The following METTL4 variants were observed in gnomAD, a reference collection of about 807,000 sequenced individuals.
METTL4 encodes the protein methyltransferase 4, N6-adenosine.
In METTL4, 40 loss-of-function variants were observed where a neutral mutation model predicts 54.0. The ratio of observed to expected loss-of-function variants is 0.74; its 90% CI spans 0.58 to 0.96. METTL4 has a LOEUF of 0.96. Ranked by LOEUF, METTL4 falls within the 50% of genes least tolerant of loss-of-function variation. The probability of loss-of-function intolerance (pLI) is 0.00; values close to 1 mark genes in which losing one functional copy is unlikely to be tolerated. For missense variants in METTL4, 525 were observed against 549.0 expected (o/e 0.96, Z 0.44); for synonymous variants, 169 against 183.8 (o/e 0.92, Z 0.65).
chr18:2,554,847 C>T lies in METTL4; in HGVS notation c.651G>A (p.Gln217=), dbSNP rs780432447. 1 of 1,613,808 alleles carries T rather than the reference C, an allele frequency of 6.2e-7. No homozygotes were observed. The highest frequency in any genetic ancestry group is 1.3e-5 in the African/African-American group (1 of 74,910). ...TATCCTCTTCCACCAATTGTAATGT[C>T]TGATGTTCCATTTCATTCAGAGAAG... ...HLPSLNEMEH[Q]TLQLVEEDTS... The change falls in exon 4 of 9, where the codon CAG becomes CAA. Residue 217 remains glutamine (Q), a synonymous_variant. Coordinates refer to ENST00000574538, the MANE Select transcript of METTL4 (RefSeq NM_022840.5).
intron 2 of METTL4, among the ~76,000 whole-genome samples, chr18:2,564,065 A>C (rs544304649): frequency 3.3e-5 from 5 of 152,298 alleles, no homozygotes; most frequent in African/African-American, 1.2e-4. Context: ...CAACATAAAC[A>C]AAATGGATTG....
chr18:2,566,730 CT>C (rs2143596896), intron 2 of METTL4, 90 bp downstream of exon 2: 1 of 1,069,716 alleles, frequency 9.3e-7, no homozygotes, highest in South Asian at 1.9e-5. Context: ...CTTCTTTATA[CT>C]TAACGAATCA....
intron 3 of METTL4, among the ~76,000 whole-genome samples, chr18:2,562,584 A>G (rs2072338032): frequency 1.3e-5 from 2 of 152,368 alleles, no homozygotes; most frequent in South Asian, 4.1e-4. Context: ...ATGAAATATT[A>G]TTCGCCCTTA....
chr18:2,540,962 A>G (rs2071985485), intron 8 of METTL4: 14 of 966,928 alleles, frequency 1.4e-5, no homozygotes, highest in Non-Finnish European at 1.7e-5. Context: ...AGGAAGCAGA[A>G]TATCCATGTT....
intron 5 of METTL4, among the ~76,000 whole-genome samples, chr18:2,549,441 G>A (rs1800112232): frequency 6.6e-6 from 1 of 152,084 alleles, no homozygotes; most frequent in Admixed American, 6.5e-5. Context: ...GAAAGAAGAG[G>A]ACAGAGAATA....
rs1407624539 is a variant in METTL4 at position 2,544,297 on chromosome 18, A to G, written c.1182-11T>C. 1 of 1,578,506 alleles carries G rather than the reference A, an allele frequency of 6.3e-7. No homozygotes were observed. The highest frequency in any genetic ancestry group is 1.2e-5 in the South Asian group (1 of 86,484). ...TTTACATCTGCATTCCTAATTAAACAGAACAAGAAAGTAAACTATATTTTA... is the reference window on the plus strand; with the variant it reads ...TTTACATCTGCATTCCTAATTAAACGGAACAAGAAAGTAAACTATATTTTA... On this transcript the variant is annotated splice_polypyrimidine_tract_variant and intron_variant, in intron 7 of 8. Coordinates refer to ENST00000574538, the MANE Select transcript of METTL4 (RefSeq NM_022840.5).
intron 7 of METTL4, among the ~76,000 whole-genome samples, 182 bp from the exon 8 acceptor site, chr18:2,544,468 T>A (rs1256302521): frequency 6.6e-6 from 1 of 151,934 alleles, no homozygotes; most frequent in Admixed American, 6.6e-5. Flanking sequence ...TCTATAATAA[T>A]GACAATTACA....
At chr18:2,569,371 T>C (rs1038340541) in intron 1 of METTL4, among the ~76,000 whole-genome samples, 18 of 152,328 alleles carry the variant, frequency 1.2e-4, no homozygotes, top group Admixed American at 2.6e-4. Flanking sequence ...TATATTTAAA[T>C]TGATTCCCAT....
chr18:2,547,577 G>C (rs1356874471), intron 5 of METTL4, 48 bp from the exon 6 acceptor site: 1 of 1,443,380 alleles, frequency 6.9e-7, no homozygotes, highest in Non-Finnish European at 9.4e-7. Context: ...TGCAAAAGAA[G>C]AAAACTAAGC....
At chr18:2,556,720 G>A (rs899654556) in intron 3 of METTL4, among the ~76,000 whole-genome samples, 1 of 151,926 alleles carries the variant, frequency 6.6e-6, no homozygotes, top group African/African-American at 2.4e-5. Context: ...ATTAAGAAGT[G>A]ACATAGAGAC....
chr18:2,554,887 A>G lies in METTL4; in HGVS notation c.611T>C (p.Met204Thr), dbSNP rs773503938. ...DACSLSELCEMAKHLPSLNEM... is the reference protein window; with the variant it reads ...DACSLSELCETAKHLPSLNEM... ...ATTCAGAGAAGGCAAATGCTTTGCC[A>G]TTTCACATAATTCTGACAAACTGCA... The change falls in exon 4 of 9, where the codon ATG (methionine) becomes ACG (threonine). Residue 204 changes from methionine to threonine, a missense_variant. Coordinates refer to ENST00000574538, the MANE Select transcript of METTL4 (RefSeq NM_022840.5). The G allele has an allele frequency of 1.2e-6, 2 of 1,614,082 alleles. No homozygotes were observed. The highest frequency in any genetic ancestry group is 1.7e-6 in the Non-Finnish European group (2 of 1,179,944).
chr18:2,539,928 T>C, intron 8 of METTL4: 5 of 964,776 alleles, frequency 5.2e-6, no homozygotes, highest in Non-Finnish European at 6.2e-6. Context: ...TGGATAGAGA[T>C]AGAAATACTG....
At chr18:2,569,371 T>A (rs1038340541) in intron 1 of METTL4, among the ~76,000 whole-genome samples, 2 of 152,210 alleles carry the variant, frequency 1.3e-5, no homozygotes, top group East Asian at 3.9e-4. Flanking sequence ...TATATTTAAA[T>A]TGATTCCCAT....
chr18:2,542,363 C>G (rs1160780844), intron 8 of METTL4, among the ~76,000 whole-genome samples: 29 of 131,950 alleles, frequency 2.2e-4, no homozygotes, highest in Non-Finnish European at 1.1e-4. Context: ...CCCCTCCCCC[C>G]ACCCCACAAC....
At chr18:2,548,692 G>A (rs1432216285) in intron 5 of METTL4, among the ~76,000 whole-genome samples, 1 of 152,080 alleles carries the variant, frequency 6.6e-6, no homozygotes, top group Non-Finnish European at 1.5e-5. Flanking sequence ...ATCAATCTCT[G>A]GCAATAACAT....
rs1324586849 is a variant in METTL4, at chr18:2,544,299, A to G, written c.1182-13T>C. On this transcript the variant is annotated splice_polypyrimidine_tract_variant and intron_variant, in intron 7 of 8. Transcript: ENST00000574538. The stretch of plus-strand genomic sequence containing the variant: ...TACATCTGCATTCCTAATTAAACAG[A>G]ACAAGAAAGTAAACTATATTTTAAA... 1.3e-6 allele frequency: 2 copies of G among 1,579,008 alleles called. No individual in the cohort carries two copies. The highest frequency in any genetic ancestry group is 2.3e-5 in the South Asian group (2 of 86,522).
intron 3 of METTL4, among the ~76,000 whole-genome samples, chr18:2,555,800 T>C (rs1476099905): frequency 1.4e-5 from 2 of 147,242 alleles, no homozygotes; most frequent in Admixed American, 1.3e-4. Context: ...TGTTTGTTTG[T>C]TTTGTTGGTT....
At chr18:2,553,100 CT>C (rs1352126133) in intron 4 of METTL4, 3 of 168,498 alleles carry the variant, frequency 1.8e-5, no homozygotes, top group Non-Finnish European at 2.5e-5. Flanking sequence ...AAATCTAGGT[CT>C]TTTTTTTACT....
chr18:2,539,142 A>T lies in METTL4; in HGVS notation c.1277T>A (p.Val426Asp). 6.2e-7 allele frequency: 1 copy of T among 1,610,758 alleles called. No homozygotes were observed. The highest frequency in any genetic ancestry group is 8.5e-7 in the Non-Finnish European group (1 of 1,178,780). ...LHSHKPPLAEVLKDYIKPDGE... is the reference protein window; with the variant it reads ...LHSHKPPLAEDLKDYIKPDGE... ...ATCTGGCTTGATGTAGTCTTTTAAA[A>T]CCTCTGTTTAAAAAAGAGAAAAAAC... The change falls in exon 9 of 9, where the codon GTT becomes GAT. Residue 426 changes from valine to aspartate, a missense_variant. Coordinates refer to ENST00000574538, the MANE Select transcript of METTL4 (RefSeq NM_022840.5).
Sources: gnomAD v4.1 joint callset for allele counts (sites outside exome capture counted in the v4.1 genomes callset) on GRCh38, gnomAD v4.1.1 for gene constraint, MANE v1.5 for transcripts, NCBI Gene and HGNC (gene_info 2026-07-23, HGNC 2026-07-21) for gene names.